AFF4: variants seen among roughly 807,000 people sequenced by gnomAD.
The protein encoded by AFF4 is ALF transcription elongation factor 4.
A neutral mutation model predicts 124.8 loss-of-function variants in AFF4; 13 were observed. The ratio of observed to expected loss-of-function variants is 0.10; its 90% CI spans 0.07 to 0.17. The LOEUF (loss-of-function observed/expected upper bound fraction) is 0.17, where lower values mean the gene tolerates loss of function less well. Among genes scored for constraint, AFF4 ranks in the 10% least tolerant of loss-of-function variants. The probability of loss-of-function intolerance (pLI) is 1.00; values close to 1 mark genes in which losing one functional copy is unlikely to be tolerated. For missense variants in AFF4, 1,092 were observed against 1,403.8 expected (o/e 0.78, Z 3.55); for synonymous variants, 477 against 496.1 (o/e 0.96, Z 0.51).
chr5:132,887,773 T>C (rs1581270092), intron 16 of AFF4, 73 bp downstream of exon 16: 23 of 1,572,720 alleles, frequency 1.5e-5, no homozygotes, highest in East Asian at 9.0e-5. Flanking sequence ...CAGTTTACTA[T>C]ATATCAGCCT....
At chr5:132,882,314 C>G (rs1328257425) in intron 20 of AFF4, among the ~76,000 whole-genome samples, 1 of 151,990 alleles carries the variant, frequency 6.6e-6, no homozygotes, top group Non-Finnish European at 1.5e-5. Flanking sequence ...CCTGTTCACG[C>G]TGTAAGTATT....
intron 1 of AFF4, among the ~76,000 whole-genome samples, chr5:132,957,107 G>A (rs942902360): frequency 6.6e-6 from 1 of 150,826 alleles, no homozygotes; most frequent in African/African-American, 2.4e-5. Context: ...CTGAGTGGCT[G>A]AGGTGGGAGG....
chr5:132,951,223 C>T (rs1021717950), intron 1 of AFF4, among the ~76,000 whole-genome samples: 1 of 134,168 alleles, frequency 7.5e-6, no homozygotes, highest in African/African-American at 2.7e-5. Flanking sequence ...GACTCCGTCT[C>T]AAAAAAAAAA....
chr5:132,880,545 G>T lies in AFF4; in HGVS notation c.*514C>A. ...TCAAATATCAGGTCAGGTAGCAGGT[G>T]TAGAAAGAATATGTCCTTATTTTAG... On this transcript the variant is annotated 3_prime_UTR_variant, in exon 21 of 21. Coordinates refer to ENST00000265343, the MANE Select transcript of AFF4 (RefSeq NM_014423.4). 2.6e-6 allele frequency: 1 copy of T among 391,452 alleles called. No individual in the cohort carries two copies. Among genetic ancestry groups the T allele is most frequent in the Non-Finnish European group, 4.5e-6 (1 of 221,748 alleles). The allele number at this position is 391,452 out of a possible 1,614,324, so 24.2% of individuals were successfully genotyped here.
chr5:132,946,360 C>T (rs1246337696), intron 1 of AFF4, among the ~76,000 whole-genome samples: 2 of 152,184 alleles, frequency 1.3e-5, no homozygotes, highest in East Asian at 1.9e-4. Context: ...TCCATGTACA[C>T]CAATGTTCAT....
chr5:132,881,912 C>T (rs1022571625), intron 20 of AFF4, among the ~76,000 whole-genome samples: 7 of 151,270 alleles, frequency 4.6e-5, no homozygotes, highest in African/African-American at 1.5e-4. Context: ...GTGATCCACT[C>T]GCCTTGGCTT....
intron 1 of AFF4, among the ~76,000 whole-genome samples, chr5:132,960,954 T>A (rs544052642): frequency 6.6e-6 from 1 of 152,168 alleles, no homozygotes; most frequent in Non-Finnish European, 1.5e-5. Flanking sequence ...CCGGGCGCAG[T>A]GCTCATGCCT....
chr5:132,928,302 T>C (rs1344995340), intron 4 of AFF4, among the ~76,000 whole-genome samples: 1 of 151,854 alleles, frequency 6.6e-6, no homozygotes, highest in African/African-American at 2.4e-5. Context: ...CATGCTTGTA[T>C]GCCTGATAAA....
intron 4 of AFF4, among the ~76,000 whole-genome samples, chr5:132,928,074 T>C (rs1761218254): frequency 6.6e-6 from 1 of 152,112 alleles, no homozygotes; most frequent in African/African-American, 2.4e-5. Flanking sequence ...GTGTAACACC[T>C]AGGAATTTAT....
intron 1 of AFF4, among the ~76,000 whole-genome samples, chr5:132,955,516 T>C (rs895889960): frequency 5.9e-5 from 9 of 151,982 alleles, no homozygotes; most frequent in African/African-American, 2.2e-4. Context: ...TAGCGACTTA[T>C]GCCTGTAATC....
chr5:132,919,539 A>C (rs1252829248), intron 5 of AFF4, among the ~76,000 whole-genome samples: 6 of 152,174 alleles, frequency 3.9e-5, no homozygotes, highest in Admixed American at 3.9e-4. Flanking sequence ...TCTAAATGTA[A>C]AACCTAAAAC....
chr5:132,885,663 A>G (rs576734021), intron 18 of AFF4, among the ~76,000 whole-genome samples: 1 of 152,302 alleles, frequency 6.6e-6, no homozygotes, highest in East Asian at 1.9e-4. Context: ...TCCAAGTCAT[A>G]ATCAGAGGCA....
intron 20 of AFF4, 132 bp from the exon 21 acceptor site, chr5:132,881,318 T>C: frequency 1.0e-6 from 1 of 962,920 alleles, no homozygotes. Flanking sequence ...ATGCTTACTG[T>C]CCATGTTTTA....
intron 1 of AFF4, among the ~76,000 whole-genome samples, chr5:132,952,361 T>C (rs1246989593): frequency 6.6e-6 from 1 of 152,258 alleles, no homozygotes; most frequent in Non-Finnish European, 1.5e-5. Context: ...TCCATATTGC[T>C]AAATTCAACA....
At chr5:132,919,328 TGACA>T (rs1345905537) in intron 5 of AFF4, among the ~76,000 whole-genome samples, 2 of 152,202 alleles carry the variant, frequency 1.3e-5, no homozygotes, top group African/African-American at 2.4e-5. Flanking sequence ...ATTGGCACCA[TGACA>T]GACAAACAGG....
chr5:132,932,973 T>C (rs773648939), intron 3 of AFF4, among the ~76,000 whole-genome samples: 3 of 152,246 alleles, frequency 2.0e-5, no homozygotes, highest in Non-Finnish European at 4.4e-5. Context: ...GAAAGATGTT[T>C]TAAATGTTTG....
chr5:132,945,147 A>G (rs1761668097), intron 1 of AFF4: 1 of 153,662 alleles, frequency 6.5e-6, no homozygotes, highest in South Asian at 2.0e-4. Flanking sequence ...TTTAACAGTA[A>G]AAGACTGGTT....
intron 5 of AFF4, among the ~76,000 whole-genome samples, chr5:132,912,268 G>A (rs886368538): frequency 7.2e-5 from 11 of 152,114 alleles, no homozygotes; most frequent in East Asian, 5.8e-4. Context: ...CTTGAACCAG[G>A]GAGGTGGAGG....
At chr5:132,889,275 T>C (rs920655532) in intron 13 of AFF4, 102 bp from the exon 14 acceptor site, 2 of 739,688 alleles carry the variant, frequency 2.7e-6, no homozygotes, top group African/African-American at 1.8e-5. Flanking sequence ...CAAAATTTCA[T>C]TGCCTTTCAT....
Sources: gnomAD v4.1 joint callset for allele counts (sites outside exome capture counted in the v4.1 genomes callset) on GRCh38, gnomAD v4.1.1 for gene constraint, MANE v1.5 for transcripts, NCBI Gene and HGNC (gene_info 2026-07-23, HGNC 2026-07-21) for gene names.